The following PLCL2 variants were observed in gnomAD, a reference collection of about 807,000 sequenced individuals.
The protein encoded by PLCL2 is inactive phospholipase C-like protein 2.
A neutral mutation model predicts 79.6 loss-of-function variants in PLCL2; 4 were observed. That is an observed-to-expected ratio of 0.05 (90% CI 0.02 to 0.11). PLCL2 has a LOEUF of 0.11. Among genes scored for constraint, PLCL2 ranks in the 10% least tolerant of loss-of-function variants. PLCL2 has a pLI of 1.00. For missense variants in PLCL2, 895 were observed against 1,291.0 expected (o/e 0.69, Z 4.70); for synonymous variants, 484 against 457.7 (o/e 1.06, Z -0.73).
intron 3 of PLCL2, among the ~76,000 whole-genome samples, chr3:17,041,748 G>T (rs544641675): frequency 6.6e-6 from 1 of 152,220 alleles, no homozygotes; most frequent in Admixed American, 6.5e-5. Flanking sequence ...TGTAAGACCA[G>T]CCTGGGCAAC....
At chr3:17,079,442 A>G (rs544677942) in intron 5 of PLCL2, among the ~76,000 whole-genome samples, 1 of 152,338 alleles carries the variant, frequency 6.6e-6, no homozygotes, top group Non-Finnish European at 1.5e-5. Context: ...TCCCATGGCC[A>G]GGTCTGTAGC....
intron 1 of PLCL2, among the ~76,000 whole-genome samples, chr3:16,945,239 TAC>T (rs10542881): frequency 0.23 from 34,690 of 150,230 alleles, 4,556 homozygotes; most frequent in East Asian, 0.58. Flanking sequence ...CACAAACACA[TAC>T]ACACACACAC....
intron 1 of PLCL2, among the ~76,000 whole-genome samples, chr3:16,992,433 C>T (rs973804891): frequency 2.0e-5 from 3 of 152,202 alleles, no homozygotes; most frequent in African/African-American, 7.2e-5. Context: ...ACCACACCTC[C>T]GTTATCACAT....
chr3:17,014,631 G>A, intron 2 of PLCL2, 77 bp from the exon 3 acceptor site: 1 of 1,120,502 alleles, frequency 8.9e-7, no homozygotes, highest in Non-Finnish European at 1.4e-6. Flanking sequence ...AGCATAATCA[G>A]ATATATCAAA....
At chr3:17,063,761 A>G (rs1297261763) in intron 4 of PLCL2, among the ~76,000 whole-genome samples, 2 of 152,178 alleles carry the variant, frequency 1.3e-5, no homozygotes, top group Non-Finnish European at 1.5e-5. Context: ...AGGTTCACAC[A>G]GCTGCTTGCC....
rs1359578919 is a variant in PLCL2 at position 17,010,871 on chromosome 3, T to C, written c.1525T>C (p.Phe509Leu). The C allele has an allele frequency of 1.9e-6, 3 of 1,614,092 alleles. No homozygotes were observed. The South Asian group carries it at 3.3e-5, about 18-fold the overall frequency. The change falls in exon 2 of 6, where the codon TTT becomes CTT. Residue 509 changes from phenylalanine to leucine, a missense_variant. By Grantham distance (22) the Phe-to-Leu change is conservative. Coordinates refer to ENST00000615277, the MANE Select transcript of PLCL2 (RefSeq NM_001144382.2). This position sits in a 1 kb window ranked among gnomAD's most constrained non-coding sequence, Gnocchi z 5.8. ...TGATATTATTAACAAGTATGCATTC[T>C]TTGCTTCAGAGTATCCTCTTATCTT... The part of the protein sequence containing the change: ...VIDIINKYAF[F>L]ASEYPLILCL...
rs964335755 is a variant in PLCL2 at position 17,090,112 on chromosome 3, A to G, written c.*200A>G. 7 of 1,284,192 alleles carry G rather than the reference A, an allele frequency of 5.5e-6. No individual in the cohort carries two copies. Among genetic ancestry groups the G allele is most frequent in the Non-Finnish European group, 5.9e-6 (6 of 1,016,216 alleles). The allele number at this position is 1,284,192 out of a possible 1,614,324, so 79.5% of individuals were successfully genotyped here. A position where few individuals can be genotyped will look rare whatever the true frequency, so the allele number is the denominator to read the frequency against. ...AGGCAAATAAACTCTTTAACAGGCA[A>G]TTATATTGCTGGCCAAAATATGCTA... On this transcript the variant is annotated 3_prime_UTR_variant, in exon 6 of 6. Transcript: ENST00000615277.
At chr3:17,031,473 G>T (rs1217078427) in intron 3 of PLCL2, among the ~76,000 whole-genome samples, 1 of 152,162 alleles carries the variant, frequency 6.6e-6, no homozygotes, top group East Asian at 1.9e-4. Flanking sequence ...TAAATTTCAT[G>T]CTGTCTGGGA....
chr3:16,982,705 C>T (rs1024789582), intron 1 of PLCL2, among the ~76,000 whole-genome samples: 3 of 152,124 alleles, frequency 2.0e-5, no homozygotes, highest in African/African-American at 4.8e-5. Context: ...CAGCATTGAC[C>T]GCTCCTGCGT....
chr3:16,961,737 C>G (rs895160488), intron 1 of PLCL2, among the ~76,000 whole-genome samples: 19 of 152,258 alleles, frequency 1.2e-4, no homozygotes, highest in Admixed American at 1.1e-3. Context: ...AAGTAAGAGA[C>G]AGGCTCATTG....
chr3:17,051,890 A>T (rs904531572), intron 4 of PLCL2, among the ~76,000 whole-genome samples: 4 of 152,124 alleles, frequency 2.6e-5, no homozygotes, highest in African/African-American at 9.7e-5. Context: ...CCAGAACCCC[A>T]TGAGTTCAAC....
intron 1 of PLCL2, among the ~76,000 whole-genome samples, chr3:16,908,014 A>G (rs1018314798): frequency 3.3e-5 from 5 of 152,164 alleles, no homozygotes; most frequent in African/African-American, 7.2e-5. Context: ...AAGTGAAAAT[A>G]CTGTGTGGGC....
At chr3:16,890,264 A>G (rs1182382555) in intron 1 of PLCL2, among the ~76,000 whole-genome samples, 2 of 152,032 alleles carry the variant, frequency 1.3e-5, no homozygotes, top group African/African-American at 4.8e-5. Context: ...TTTGATTTGC[A>G]TTGTTTTTCA....
At chr3:17,061,339 A>G (rs983161080) in intron 4 of PLCL2, among the ~76,000 whole-genome samples, 1 of 152,098 alleles carries the variant, frequency 6.6e-6, no homozygotes, top group Non-Finnish European at 1.5e-5. Context: ...TAAGTTTGTT[A>G]TCTCTGATGG....
chr3:17,009,429 G>A lies in PLCL2; in HGVS notation c.328-245G>A, dbSNP rs941458982. Reference sequence around the variant, plus strand: ...GAACCTCCGTCCCTGGCCTGAAATTGTTCTTCTTGATAAATATGAATTGCA... The same window carrying A: ...GAACCTCCGTCCCTGGCCTGAAATTATTCTTCTTGATAAATATGAATTGCA... On this transcript the variant is annotated intron_variant, in intron 1 of 5. Coordinates refer to ENST00000615277, the MANE Select transcript of PLCL2 (RefSeq NM_001144382.2). This position sits in a 1 kb window ranked among gnomAD's most constrained non-coding sequence, Gnocchi z 4.0. 4.6e-5 allele frequency among the ~76,000 whole-genome samples: 7 copies of A among 152,038 alleles called. No homozygotes were observed. Among genetic ancestry groups the A allele is most frequent in the Non-Finnish European group, 1.0e-4 (7 of 68,012 alleles).
chr3:16,955,083 A>G (rs201725910), intron 1 of PLCL2, among the ~76,000 whole-genome samples: 12 of 151,120 alleles, frequency 7.9e-5, no homozygotes, highest in African/African-American at 2.9e-4. Context: ...TTGGTGTTTT[A>G]GACATGAAGT....
chr3:17,066,685 C>T (rs1392304229), intron 4 of PLCL2, among the ~76,000 whole-genome samples: 1 of 152,184 alleles, frequency 6.6e-6, no homozygotes, highest in Non-Finnish European at 1.5e-5. Flanking sequence ...ATTGGAGTCT[C>T]TGTAGCTGTC....
chr3:17,053,906 C>G (rs1489553806), intron 4 of PLCL2, among the ~76,000 whole-genome samples: 1 of 152,142 alleles, frequency 6.6e-6, no homozygotes, highest in African/African-American at 2.4e-5. Flanking sequence ...CCCCATTGTC[C>G]TGACTATTAG....
chr3:16,959,858 C>A (rs1419306281), intron 1 of PLCL2, among the ~76,000 whole-genome samples: 1 of 152,176 alleles, frequency 6.6e-6, no homozygotes, highest in Non-Finnish European at 1.5e-5. Context: ...GTAATCCCAG[C>A]ACTTTGGTAG....
Sources: allele counts gnomAD v4.1 joint callset (sites outside exome capture counted in the v4.1 genomes callset), GRCh38; gene constraint gnomAD v4.1.1; non-coding constraint Gnocchi (gnomAD v3.1); transcripts MANE v1.5; gene names NCBI Gene and HGNC (gene_info 2026-07-23, HGNC 2026-07-21).